The following USH2A variants were observed in gnomAD, a reference collection of about 807,000 sequenced individuals.
The protein encoded by USH2A is Usher syndrome 2A (autosomal recessive, mild).
USH2A carries 443 observed loss-of-function variants against 538.9 expected under a neutral mutation model. The observed-to-expected ratio is 0.82, with a 90% CI of 0.76 to 0.89. The LOEUF is 0.89. USH2A is among the 40% of genes least tolerant of loss of function. The probability of loss-of-function intolerance (pLI) is 0.00; values close to 1 mark genes in which losing one functional copy is unlikely to be tolerated. For missense variants in USH2A, 6,633 were observed against 6,324.8 expected (o/e 1.05, Z -1.65); for synonymous variants, 2,413 against 2,273.5 (o/e 1.06, Z -1.75).
intron 64 of USH2A, among the ~76,000 whole-genome samples, chr1:215,663,644 T>C (rs1255029764): frequency 6.6e-6 from 1 of 152,122 alleles, no homozygotes; most frequent in Non-Finnish European, 1.5e-5. Flanking sequence ...CTCTGTTCTC[T>C]TGGTTCACAG....
intron 6 of USH2A, 39 bp from the exon 7 acceptor site, chr1:216,324,391 A>G: frequency 6.5e-7 from 1 of 1,541,718 alleles, no homozygotes; most frequent in African/African-American, 1.4e-5. Flanking sequence ...TAAAGTTTTA[A>G]GTTTAACCAT....
At chr1:215,799,244 GAAT>G in intron 49 of USH2A, 119 bp from the exon 50 acceptor site, 1 of 1,216,722 alleles carries the variant, frequency 8.2e-7, no homozygotes, top group Non-Finnish European at 1.2e-6. Context: ...TTACTAAAGA[GAAT>G]AATATCATAT....
At chr1:216,056,477 C>T (rs2030977336) in intron 30 of USH2A, among the ~76,000 whole-genome samples, 1 of 152,058 alleles carries the variant, frequency 6.6e-6, no homozygotes, top group African/African-American at 2.4e-5. Context: ...GCAGTAGAGC[C>T]AATATTAGAA....
intron 14 of USH2A, among the ~76,000 whole-genome samples, chr1:216,222,879 G>A (rs2035483800): frequency 6.6e-6 from 1 of 151,620 alleles, no homozygotes; most frequent in Non-Finnish European, 1.5e-5. Context: ...TCGGGAGGCT[G>A]AGGCAGGAGA....
At chr1:215,731,744 G>A (rs553568982) in intron 60 of USH2A, among the ~76,000 whole-genome samples, 9 of 152,034 alleles carry the variant, frequency 5.9e-5, no homozygotes, top group Admixed American at 4.6e-4. Context: ...ATTTTCAAAA[G>A]CAATTAAAAC....
At chr1:216,374,908 T>C (rs2038789782) in intron 3 of USH2A, among the ~76,000 whole-genome samples, 2 of 152,166 alleles carry the variant, frequency 1.3e-5, no homozygotes, top group South Asian at 4.1e-4. Flanking sequence ...CTGGTTCCTC[T>C]AAGAGATGAG....
intron 15 of USH2A, among the ~76,000 whole-genome samples, 156 bp downstream of exon 15, chr1:216,217,231 T>A (rs2035359994): frequency 1.3e-5 from 2 of 152,150 alleles, no homozygotes; most frequent in African/African-American, 4.8e-5. Context: ...AAAGCAGACA[T>A]ATTTCATTCA....
Position 215,743,282 on chromosome 1 carries a change from T to G in USH2A, c.11443A>C (p.Ser3815Arg). 6.2e-7 allele frequency: 1 copy of G among 1,610,616 alleles called. No homozygotes were observed. Among genetic ancestry groups the G allele is most frequent in the Non-Finnish European group, 8.5e-7 (1 of 1,178,962 alleles). Residue 3815 changes from serine to arginine, a missense_variant, in exon 59 of 72, where the codon AGT becomes CGT. Ser to Arg is a moderately radical substitution (Grantham distance 110, BLOSUM62 -1). Transcript: ENST00000307340. ...VEYNVLLNDG[S>R]VTPLAFSVGH... ...ACGGAGAAGGCCAGAGGTGTTACAC[T>G]TCCATCATTGAGTAAGACATTGTAC...
intron 23 of USH2A, 192 bp from the exon 24 acceptor site, chr1:216,087,012 A>G (rs2032155683): frequency 1.4e-5 from 8 of 566,884 alleles, no homozygotes; most frequent in Middle Eastern, 5.2e-4. Context: ...GGAATGATCC[A>G]GACCGCCTGC....
At chr1:216,355,244 A>G (rs1306489853) in intron 4 of USH2A, among the ~76,000 whole-genome samples, 1 of 151,712 alleles carries the variant, frequency 6.6e-6, no homozygotes, top group Admixed American at 6.6e-5. Flanking sequence ...CAGATGTTGC[A>G]GTGAGCCAAG....
chr1:215,809,791 G>T (rs1662611807), intron 49 of USH2A, among the ~76,000 whole-genome samples: 1 of 152,092 alleles, frequency 6.6e-6, no homozygotes. Flanking sequence ...AAAAAATAAA[G>T]TACGTATTTA....
At chr1:216,266,022 T>C (rs1180405141) in intron 11 of USH2A, among the ~76,000 whole-genome samples, 2 of 152,236 alleles carry the variant, frequency 1.3e-5, no homozygotes, top group South Asian at 2.1e-4. Context: ...CAATTTATTA[T>C]ATGTTTTCAA....
intron 67 of USH2A, among the ~76,000 whole-genome samples, chr1:215,642,080 A>C (rs1656704817): frequency 6.6e-6 from 1 of 152,236 alleles, no homozygotes; most frequent in Non-Finnish European, 1.5e-5. Flanking sequence ...TAGCAAGAAA[A>C]TAGAAAGATA....
At chr1:216,243,830 C>G (rs544449008) in intron 13 of USH2A, among the ~76,000 whole-genome samples, 1 of 152,146 alleles carries the variant, frequency 6.6e-6, no homozygotes, top group South Asian at 2.1e-4. Context: ...TTTAATGCTC[C>G]CTACTCTTAA....
chr1:215,705,788 C>T (rs1266526861), intron 61 of USH2A, among the ~76,000 whole-genome samples: 1 of 152,160 alleles, frequency 6.6e-6, no homozygotes, highest in African/African-American at 2.4e-5. Context: ...AAACCAGTTA[C>T]AAATTCACAA....
chr1:215,713,509 TC>T (rs1659398673), intron 61 of USH2A, among the ~76,000 whole-genome samples: 1 of 152,180 alleles, frequency 6.6e-6, no homozygotes, highest in South Asian at 2.1e-4. Context: ...GGAAAAATAT[TC>T]CCCATGTGAC....
rs12402890 is a variant in USH2A, at chr1:215,982,607, A to G, written c.6805+10413T>C. Among the ~76,000 whole-genome samples, 347 of 152,322 alleles carry G rather than the reference A, an allele frequency of 2.3e-3. 5 individuals are homozygous for G. Among genetic ancestry groups the G allele is most frequent in the Admixed American group, 0.021 (314 of 15,290 alleles). Reference sequence around the variant, plus strand: ...GCAAAGAAACAAGTATTTACTAAATACTGTAAAATAATTTTTGTAAGTCTG... The same window carrying G: ...GCAAAGAAACAAGTATTTACTAAATGCTGTAAAATAATTTTTGTAAGTCTG... On this transcript the variant is annotated intron_variant, in intron 35 of 71. Coordinates refer to ENST00000307340, the MANE Select transcript of USH2A (RefSeq NM_206933.4).
At chr1:216,144,697 T>C (rs1225710048) in intron 21 of USH2A, among the ~76,000 whole-genome samples, 1 of 152,228 alleles carries the variant, frequency 6.6e-6, no homozygotes, top group African/African-American at 2.4e-5. Flanking sequence ...TTTATGCAAA[T>C]GAATATTACC....
intron 62 of USH2A, among the ~76,000 whole-genome samples, chr1:215,678,272 G>A (rs1658098082): frequency 6.6e-6 from 1 of 152,134 alleles, no homozygotes; most frequent in African/African-American, 2.4e-5. Flanking sequence ...CATTGCACTT[G>A]GAACAAATTC....
Sources: allele counts gnomAD v4.1 joint callset (sites outside exome capture counted in the v4.1 genomes callset), GRCh38; gene constraint gnomAD v4.1.1; transcripts MANE v1.5; gene names NCBI Gene and HGNC (gene_info 2026-07-23, HGNC 2026-07-21).